The following PTPRG variants were observed in gnomAD, a reference collection of about 807,000 sequenced individuals.
The protein encoded by PTPRG is protein tyrosine phosphatase receptor type G.
A neutral mutation model predicts 165.3 loss-of-function variants in PTPRG; 102 were observed. That is an observed-to-expected ratio of 0.62 (90% confidence interval 0.53 to 0.73). The LOEUF (loss-of-function observed/expected upper bound fraction) is 0.73. Ranked by LOEUF, PTPRG falls within the 30% of genes least tolerant of loss-of-function variation. PTPRG has a pLI of 0.00. For synonymous variants in PTPRG, 675 were observed against 669.5 expected (o/e 1.01, Z -0.13); for missense variants, 1,866 against 1,861.4 (o/e 1.00, Z -0.05).
chr3:62,203,611 A>G lies in PTPRG; in HGVS notation c.1816A>G (p.Lys606Glu). 9.0e-6 allele frequency: 14 copies of G among 1,553,648 alleles called. No homozygotes were observed. The highest frequency in any genetic ancestry group is 1.2e-5 in the Non-Finnish European group (14 of 1,148,000). The part of the protein sequence containing the change: ...EEDGEKDSEK[K>E]EKSGVTHAAE... ...GGATGGAGAGAAGGACTCCGAAAAG[A>G]AGGAGAAGAGTGGGGTGACCCACGC... Residue 606 changes from lysine (K) to glutamate (E), a missense_variant, in exon 12 of 30, where the codon AAG becomes GAG. Transcript: ENST00000474889. This position sits in a 1 kb window ranked among gnomAD's most constrained non-coding sequence, Gnocchi z 6.4.
chr3:61,728,516 G>C (rs1428819370), intron 1 of PTPRG, among the ~76,000 whole-genome samples: 2 of 152,136 alleles, frequency 1.3e-5, no homozygotes, highest in Non-Finnish European at 2.9e-5. Context: ...CTAGGAGTTA[G>C]AGGCTGCAGT....
intron 3 of PTPRG, among the ~76,000 whole-genome samples, chr3:62,001,840 TG>T (rs1407246182): frequency 1.3e-5 from 2 of 152,194 alleles, no homozygotes; most frequent in Non-Finnish European, 2.9e-5. Context: ...TGGCTGCTTC[TG>T]TGCTATAAAG....
intron 1 of PTPRG, among the ~76,000 whole-genome samples, chr3:61,621,603 G>C (rs1009650354): frequency 2.0e-5 from 3 of 150,418 alleles, no homozygotes; most frequent in African/African-American, 7.5e-5. Flanking sequence ...CACTCTTTCT[G>C]TTCTTCCTTT....
Position 61,989,778 on chromosome 3 carries a change from C to A in PTPRG, c.344C>A (p.Thr115Asn). 2 of 1,614,008 alleles carry A rather than the reference C, an allele frequency of 1.2e-6. No individual in the cohort carries two copies. The highest frequency in any genetic ancestry group is 1.7e-6 in the Non-Finnish European group (2 of 1,179,972). Residue 115 changes from threonine to asparagine, a missense_variant, in exon 3 of 30, where the codon ACC (threonine) becomes AAC (asparagine). This residue lies in a region of PTPRG where 408 missense variants were observed against 376.2 expected (regional missense o/e 1.08). Transcript: ENST00000474889. ...DGFDNESSNK[T>N]WMKNTGKTVA... ...TTCGACAATGAGTCTTCTAACAAAA[C>A]CTGGATGAAAAACACAGGGAAAACA...
At chr3:61,822,909 A>G (rs1484302991) in intron 2 of PTPRG, among the ~76,000 whole-genome samples, 1 of 152,228 alleles carries the variant, frequency 6.6e-6, no homozygotes, top group African/African-American at 2.4e-5. Context: ...CTGATTCGTT[A>G]CATGGCCGAT....
At chr3:62,236,817 G>T (rs189778694) in intron 14 of PTPRG, among the ~76,000 whole-genome samples, 170 of 152,292 alleles carry the variant, frequency 1.1e-3, no homozygotes, top group Middle Eastern at 0.01. Context: ...TCATGATGTT[G>T]TTCAGGGCAG....
At chr3:61,682,176 G>T (rs1703468685) in intron 1 of PTPRG, among the ~76,000 whole-genome samples, 1 of 133,926 alleles carries the variant, frequency 7.5e-6, no homozygotes, top group Non-Finnish European at 1.6e-5. Context: ...AAGTGAACTG[G>T]TAATGAGAAA....
chr3:61,779,243 G>A (rs2034474968), intron 2 of PTPRG, among the ~76,000 whole-genome samples: 1 of 152,202 alleles, frequency 6.6e-6, no homozygotes, highest in Non-Finnish European at 1.5e-5. Flanking sequence ...AGTGCTTGAA[G>A]CTGAGCAAAC....
At chr3:62,157,038 GCTTTT>G in intron 6 of PTPRG, 24 bp from the exon 7 acceptor site, 1 of 1,564,264 alleles carries the variant, frequency 6.4e-7, no homozygotes, top group Non-Finnish European at 8.8e-7. Flanking sequence ...TTACCATTGT[GCTTTT>G]CTTTTCCCTT....
At chr3:61,775,623 T>G (rs996561338) in intron 2 of PTPRG, among the ~76,000 whole-genome samples, 3 of 152,120 alleles carry the variant, frequency 2.0e-5, no homozygotes, top group African/African-American at 7.2e-5. Flanking sequence ...ATAGTTTGTT[T>G]CCATGTAAAA....
chr3:62,001,386 C>T (rs1182551744), intron 3 of PTPRG, among the ~76,000 whole-genome samples: 1 of 152,142 alleles, frequency 6.6e-6, no homozygotes, highest in East Asian at 1.9e-4. Flanking sequence ...TTATAAGATG[C>T]TGCTGATTCC....
intron 4 of PTPRG, among the ~76,000 whole-genome samples, chr3:62,071,727 A>T (rs183674639): frequency 6.6e-6 from 1 of 152,216 alleles, no homozygotes; most frequent in African/African-American, 2.4e-5. Context: ...GATTTGAAAG[A>T]CAATTTTGAA....
At position 62,228,981 on chromosome 3, in the gene PTPRG, C is replaced by T. The variant is rs1700831628; in HGVS notation, c.2289-2244C>T. ...GTGCCATTCTTTTCTTTTTGGAACC[C>T]ATATCTGTGGCCATATTTCAAGACT... On this transcript the variant is annotated intron_variant, in intron 13 of 29. Transcript: ENST00000474889. This position sits in a 1 kb window ranked among gnomAD's most constrained non-coding sequence, Gnocchi z 4.1. 6.6e-6 allele frequency among the ~76,000 whole-genome samples: 1 copy of T among 152,002 alleles called. No homozygotes were observed. The highest frequency in any genetic ancestry group is 2.1e-4 in the South Asian group (1 of 4,820).
At chr3:62,042,954 A>T (rs1161611409) in intron 4 of PTPRG, among the ~76,000 whole-genome samples, 1 of 152,222 alleles carries the variant, frequency 6.6e-6, no homozygotes, top group Non-Finnish European at 1.5e-5. Context: ...AAAAGGGTCA[A>T]ATCTTTTACT....
At chr3:61,960,600 T>G (rs1320737826) in intron 2 of PTPRG, among the ~76,000 whole-genome samples, 1 of 152,158 alleles carries the variant, frequency 6.6e-6, no homozygotes, top group Non-Finnish European at 1.5e-5. Context: ...GACAGCCAAC[T>G]AGAGTCATTG....
intron 1 of PTPRG, among the ~76,000 whole-genome samples, chr3:61,579,343 C>A (rs560627625): frequency 6.6e-6 from 1 of 152,256 alleles, no homozygotes; most frequent in East Asian, 1.9e-4. Context: ...CACTGAAAGC[C>A]CCAAGGGAAG....
intron 2 of PTPRG, among the ~76,000 whole-genome samples, chr3:61,891,419 C>T (rs773694639): frequency 1.1e-4 from 17 of 152,208 alleles, no homozygotes; most frequent in Non-Finnish European, 1.8e-4. Context: ...TTTTCTGAAT[C>T]CCCTGAAAGA....
chr3:61,888,199 TTGTGTG>T (rs58409759), intron 2 of PTPRG, among the ~76,000 whole-genome samples: 1,712 of 150,236 alleles, frequency 0.011, 25 homozygotes, highest in African/African-American at 0.037. Flanking sequence ...TTTTAAATCT[TTGTGTG>T]TGTGTGTGTG....
At chr3:61,574,248 GC>G in intron 1 of PTPRG, among the ~76,000 whole-genome samples, 1 of 152,282 alleles carries the variant, frequency 6.6e-6, no homozygotes, top group African/African-American at 2.4e-5. Context: ...CCCAGTAATG[GC>G]TTTGTGCAGG....
Sources: allele counts gnomAD v4.1 joint callset (sites outside exome capture counted in the v4.1 genomes callset), GRCh38; gene constraint gnomAD v4.1.1; regional missense constraint gnomAD v4.1.1; non-coding constraint Gnocchi (gnomAD v3.1); transcripts MANE v1.5; gene names NCBI Gene and HGNC (gene_info 2026-07-23, HGNC 2026-07-21).